SLC8A1: variants seen among roughly 807,000 people sequenced by gnomAD.
SLC8A1 encodes sodium/calcium exchanger 1.
SLC8A1 carries 18 observed loss-of-function variants against 68.3 expected under a neutral mutation model. The ratio of observed to expected loss-of-function variants is 0.26; its 90% CI spans 0.18 to 0.39. The LOEUF is 0.39. Ranked by LOEUF, SLC8A1 falls within the 10% of genes least tolerant of loss-of-function variation. The pLI, the probability that SLC8A1 is intolerant of heterozygous loss-of-function variation, is 1.00. For synonymous variants in SLC8A1, 475 were observed against 415.5 expected, an observed-to-expected ratio of 1.14 and a Z score of -1.74; for missense variants, 985 against 1,156.7, an observed-to-expected ratio of 0.85 and a Z score of 2.15.
chr2:40,176,028 T>C (rs751278735), intron 3 of SLC8A1: 5 of 440,878 alleles, frequency 1.1e-5, no homozygotes, highest in South Asian at 3.2e-5. Context: ...GGGCATTGGG[T>C]TGGGGGGAGG....
intron 7 of SLC8A1, among the ~76,000 whole-genome samples, chr2:40,116,664 G>GA (rs79672152): frequency 6.6e-6 from 1 of 151,968 alleles, no homozygotes; most frequent in Non-Finnish European, 1.5e-5. Context: ...TCACAACTAG[G>GA]AAAAAAACAT....
Position 40,503,531 on chromosome 2 carries a change from G to A in SLC8A1, c.-25+8818C>T, listed in dbSNP as rs72936406. ...AGGAGTCAAACTGTCCTTGTTTGCC[G>A]ATGATACAATCTGGTTTTGGAAAAA... On this transcript the variant is annotated intron_variant, in intron 1 of 7. Coordinates refer to the SLC8A1 transcript ENST00000402441. 8.0e-3 allele frequency among the ~76,000 whole-genome samples: 1,209 copies of A among 152,056 alleles called. 17 individuals are homozygous for A. The highest frequency in any genetic ancestry group is 0.028 in the African/African-American group (1,144 of 41,532).
chr2:40,183,779 G>A (rs944182797), intron 2 of SLC8A1, among the ~76,000 whole-genome samples: 1 of 152,158 alleles, frequency 6.6e-6, no homozygotes, highest in Non-Finnish European at 1.5e-5. Flanking sequence ...TCACCTGTGG[G>A]ATTTTGCAAA....
intron 5 of SLC8A1, 85 bp from the exon 9 acceptor site, chr2:40,160,949 G>C: frequency 1.1e-6 from 1 of 937,418 alleles, no homozygotes; most frequent in Non-Finnish European, 1.7e-6. Context: ...TGAAACTCCA[G>C]AGTTATATAA....
intron 2 of SLC8A1, among the ~76,000 whole-genome samples, chr2:40,426,873 G>A (rs552010687): frequency 6.6e-6 from 1 of 151,800 alleles, no homozygotes; most frequent in South Asian, 2.1e-4. Context: ...AATCAATAGG[G>A]AAAGAATTCC....
At chr2:40,181,628 G>T (rs963697677) in intron 2 of SLC8A1, among the ~76,000 whole-genome samples, 1 of 151,848 alleles carries the variant, frequency 6.6e-6, no homozygotes, top group East Asian at 1.9e-4. Flanking sequence ...TAGGAAACTT[G>T]ATTATTAAAG....
intron 2 of SLC8A1, among the ~76,000 whole-genome samples, chr2:40,240,898 G>A (rs896377009): frequency 3.9e-5 from 6 of 152,158 alleles, no homozygotes; most frequent in Admixed American, 2.0e-4. Flanking sequence ...TGACCCACAT[G>A]TGTATTTGTC....
intron 2 of SLC8A1, among the ~76,000 whole-genome samples, chr2:40,394,655 G>C (rs1404083526): frequency 6.6e-6 from 1 of 152,026 alleles, no homozygotes; most frequent in Non-Finnish European, 1.5e-5. Flanking sequence ...TTAGAGAACT[G>C]TGATTGCATT....
At position 40,227,012 on chromosome 2, in the gene SLC8A1, G is replaced by A. The variant is rs187175852; in HGVS notation, c.1809-49157C>T. On this transcript the variant is annotated intron_variant, in intron 2 of 7. Coordinates refer to ENST00000406785, the Ensembl canonical transcript of SLC8A1. Reference sequence around the variant, plus strand: ...TTTAACAACAGGGACATTACTTGATGGGACTCACCATCAAGTTTTAAATGG... The same window carrying A: ...TTTAACAACAGGGACATTACTTGATAGGACTCACCATCAAGTTTTAAATGG... Among the ~76,000 whole-genome samples the A allele has an allele frequency of 5.6e-3, 848 of 152,182 alleles. 1 individual carries two copies. The highest frequency in any genetic ancestry group is 9.8e-3 in the Non-Finnish European group (663 of 67,980).
At chr2:40,125,433 C>T (rs2037876450) in intron 7 of SLC8A1, among the ~76,000 whole-genome samples, 1 of 152,080 alleles carries the variant, frequency 6.6e-6, no homozygotes, top group Admixed American at 6.5e-5. Flanking sequence ...GAAAGTTTGC[C>T]CAGGACCAGC....
At chr2:40,160,938 T>A in intron 5 of SLC8A1, 74 bp from the exon 9 acceptor site, 1 of 1,060,636 alleles carries the variant, frequency 9.4e-7, no homozygotes, top group East Asian at 2.4e-5. Context: ...CTTGTTGATT[T>A]TGAAACTCCA....
intron 2 of SLC8A1, among the ~76,000 whole-genome samples, chr2:40,369,356 T>G (rs1677265311): frequency 6.6e-6 from 1 of 152,098 alleles, no homozygotes; most frequent in African/African-American, 2.4e-5. Flanking sequence ...GCAACCTCAG[T>G]GTTCAGGGAT....
chr2:40,464,715 C>G (rs1207913506), intron 1 of SLC8A1, among the ~76,000 whole-genome samples: 1 of 152,092 alleles, frequency 6.6e-6, no homozygotes, highest in Non-Finnish European at 1.5e-5. Flanking sequence ...GAACTGCAGA[C>G]CTGCCAAGGA....
At chr2:40,215,224 G>T (rs1229240548) in intron 2 of SLC8A1, among the ~76,000 whole-genome samples, 1 of 151,950 alleles carries the variant, frequency 6.6e-6, no homozygotes, top group African/African-American at 2.4e-5. Flanking sequence ...GGGGTGAAGT[G>T]GTGTGTTCAT....
intron 2 of SLC8A1, among the ~76,000 whole-genome samples, chr2:40,271,195 G>A (rs997800765): frequency 3.3e-5 from 5 of 151,470 alleles, no homozygotes; most frequent in African/African-American, 9.7e-5. Context: ...CTGACAGAGC[G>A]TGACATGATC....
intron 6 of SLC8A1, among the ~76,000 whole-genome samples, chr2:40,150,028 T>A (rs2043129281): frequency 6.9e-6 from 1 of 145,330 alleles, no homozygotes; most frequent in Non-Finnish European, 1.5e-5. Context: ...ACTCCCTCTC[T>A]CTGTTCTCAG....
chr2:40,460,177 G>C (rs1042012531), intron 1 of SLC8A1, among the ~76,000 whole-genome samples: 4 of 152,138 alleles, frequency 2.6e-5, no homozygotes, highest in Non-Finnish European at 5.9e-5. Context: ...TATGAATTAT[G>C]TATCTCATGG....
At chr2:40,123,786 A>G (rs2037454470) in intron 7 of SLC8A1, among the ~76,000 whole-genome samples, 1 of 152,246 alleles carries the variant, frequency 6.6e-6, no homozygotes, top group African/African-American at 2.4e-5. Flanking sequence ...AAGCAAGGGC[A>G]AATTTGAAGC....
In SLC8A1 at chr2:40,329,029, T is replaced by G. The variant is rs774855743; in HGVS notation, c.1808+99444A>C. Among the ~76,000 whole-genome samples the G allele has an allele frequency of 4.3e-4, 64 of 148,150 alleles. No individual in the cohort carries two copies. The Middle Eastern group carries it at 0.011, about 24-fold the overall frequency. On this transcript the variant is annotated intron_variant, in intron 2 of 7. Transcript: ENST00000406785. ...CCCTTATGGTTTCAACTCACACTACTTCTCTATTTTCATCTCCTCACACTA... is the reference window on the plus strand; with the variant it reads ...CCCTTATGGTTTCAACTCACACTACGTCTCTATTTTCATCTCCTCACACTA...
Sources: gnomAD v4.1 joint callset for allele counts (sites outside exome capture counted in the v4.1 genomes callset) on GRCh38, gnomAD v4.1.1 for gene constraint, MANE v1.5 for transcripts, NCBI Gene and HGNC (gene_info 2026-07-23, HGNC 2026-07-21) for gene names.